The following TBC1D22B variants were observed in gnomAD, a reference collection of about 807,000 sequenced individuals.
TBC1D22B encodes the protein chromosome 6 open reading frame 197.
TBC1D22B carries 32 observed loss-of-function variants against 69.1 expected under a neutral mutation model. That is an observed-to-expected ratio of 0.46 (90% confidence interval 0.35 to 0.62). The LOEUF (loss-of-function observed/expected upper bound fraction) is 0.62, where lower values mean the gene tolerates loss of function less well. Ranked by LOEUF, TBC1D22B falls within the 20% of genes least tolerant of loss-of-function variation. The pLI, the probability that TBC1D22B is intolerant of heterozygous loss-of-function variation, is 0.00. For missense variants in TBC1D22B, 462 were observed against 630.9 expected (o/e 0.73, Z 2.87); for synonymous variants, 206 against 229.8 (o/e 0.90, Z 0.94).
intron 8 of TBC1D22B, among the ~76,000 whole-genome samples, chr6:37,294,470 C>G (rs1767292299): frequency 6.6e-6 from 1 of 152,146 alleles, no homozygotes; most frequent in Non-Finnish European, 1.5e-5. Flanking sequence ...GCCACTATGG[C>G]CAGCCTGCCA....
intron 2 of TBC1D22B, among the ~76,000 whole-genome samples, chr6:37,278,524 TG>T (rs1169459608): frequency 1.3e-5 from 2 of 151,090 alleles, no homozygotes; most frequent in Non-Finnish European, 2.9e-5. Context: ...AAAATGGGGG[TG>T]GGGTAAGGGC....
intron 2 of TBC1D22B, among the ~76,000 whole-genome samples, chr6:37,278,708 T>C (rs970203559): frequency 6.6e-6 from 1 of 152,076 alleles, no homozygotes; most frequent in African/African-American, 2.4e-5. Context: ...GGTGGGAGGA[T>C]CACTTGAACC....
chr6:37,308,944 T>TAAA (rs11311872), intron 8 of TBC1D22B, among the ~76,000 whole-genome samples: 1 of 141,150 alleles, frequency 7.1e-6, no homozygotes, highest in Non-Finnish European at 1.5e-5. Flanking sequence ...TCCTGTCTCT[T>TAAA]AAAAAAAAAA....
intron 1 of TBC1D22B, 74 bp from the exon 2 acceptor site, chr6:37,269,520 G>A (rs1486044714): frequency 4.2e-6 from 6 of 1,427,206 alleles, no homozygotes; most frequent in Non-Finnish European, 5.9e-6. Context: ...ATTTTGTGAT[G>A]CAGATGGCAC....
intron 7 of TBC1D22B, among the ~76,000 whole-genome samples, chr6:37,290,259 C>A (rs987023108): frequency 1.3e-5 from 2 of 152,120 alleles, no homozygotes; most frequent in African/African-American, 4.8e-5. Flanking sequence ...AATCTCCTAC[C>A]CTATCATCTG....
chr6:37,265,012 C>T (rs973367277), intron 1 of TBC1D22B, among the ~76,000 whole-genome samples: 2 of 152,200 alleles, frequency 1.3e-5, no homozygotes, highest in Non-Finnish European at 2.9e-5. Context: ...TCTCTGTGAT[C>T]ATCTCGGTTT....
intron 7 of TBC1D22B, among the ~76,000 whole-genome samples, chr6:37,289,385 A>G (rs1397715384): frequency 6.6e-6 from 1 of 152,236 alleles, no homozygotes; most frequent in East Asian, 1.9e-4. Context: ...GGATTATCCC[A>G]GACTTTTTCT....
intron 3 of TBC1D22B, among the ~76,000 whole-genome samples, chr6:37,280,717 C>T (rs1362931589): frequency 6.6e-6 from 1 of 152,208 alleles, no homozygotes; most frequent in East Asian, 1.9e-4. Flanking sequence ...TTTTCTCCTG[C>T]CGGCATCTGT....
intron 8 of TBC1D22B, among the ~76,000 whole-genome samples, chr6:37,300,786 T>A (rs1767542367): frequency 6.6e-6 from 1 of 152,252 alleles, no homozygotes; most frequent in African/African-American, 2.4e-5. Flanking sequence ...CAATTTTGTT[T>A]ATTTTTTATC....
At chr6:37,258,846 G>A (rs1765949705) in intron 1 of TBC1D22B, among the ~76,000 whole-genome samples, 1 of 152,052 alleles carries the variant, frequency 6.6e-6, no homozygotes, top group Admixed American at 6.5e-5. Flanking sequence ...TAAGATTTCT[G>A]CCAGCTACAG....
At chr6:37,298,593 C>T (rs375948517) in intron 8 of TBC1D22B, among the ~76,000 whole-genome samples, 5 of 132,750 alleles carry the variant, frequency 3.8e-5, no homozygotes, top group Non-Finnish European at 6.1e-5. Flanking sequence ...TTGCCCAAGC[C>T]GGAGTGCAGT....
chr6:37,322,299 AG>A (rs1182546362), intron 12 of TBC1D22B, among the ~76,000 whole-genome samples: 2 of 152,216 alleles, frequency 1.3e-5, no homozygotes, highest in African/African-American at 4.8e-5. Flanking sequence ...GCACTTTGGG[AG>A]GCCACGGCAG....
chr6:37,284,809 C>T (rs1173273595), intron 6 of TBC1D22B, among the ~76,000 whole-genome samples: 1 of 152,182 alleles, frequency 6.6e-6, no homozygotes, highest in African/African-American at 2.4e-5. Context: ...TGATGTGCTC[C>T]CTTGCAATGC....
Position 37,284,430 on chromosome 6 carries a change from G to A in TBC1D22B, c.767G>A (p.Arg256Gln), listed in dbSNP as rs543514698. Reference protein sequence around the residue: ...FGFIEQYYDSRNEEHHQDTYR... With the variant: ...FGFIEQYYDSQNEEHHQDTYR... Reference sequence around the variant, plus strand: ...TTCATTGAACAGTATTATGACTCTCGAAACGAGGAACATCACCAGGATACC... The same window carrying A: ...TTCATTGAACAGTATTATGACTCTCAAAACGAGGAACATCACCAGGATACC... Residue 256 changes from arginine (R) to glutamine (Q), a missense_variant, in exon 6 of 13, where the codon CGA (arginine) becomes CAA (glutamine). Arg to Gln is a conservative substitution (Grantham distance 43, BLOSUM62 1). Around this residue, in one of 2 missense-constraint regions of TBC1D22B, gnomAD observed 225 missense variants for 375.4 expected, o/e 0.60. Transcript: ENST00000373491. 23 of 1,603,488 alleles carry A rather than the reference G, an allele frequency of 1.4e-5. 1 individual carries two copies. Among genetic ancestry groups the A allele is most frequent in the Non-Finnish European group, 1.9e-5 (22 of 1,175,836 alleles).
chr6:37,314,028 C>T, intron 10 of TBC1D22B, 137 bp downstream of exon 10: 1 of 756,874 alleles, frequency 1.3e-6, no homozygotes, highest in Non-Finnish European at 2.3e-6. Context: ...GCTGGCAGCA[C>T]CGGGATCCTT....
chr6:37,326,158 G>A (rs1263506674), intron 12 of TBC1D22B, among the ~76,000 whole-genome samples: 1 of 151,984 alleles, frequency 6.6e-6, no homozygotes, highest in African/African-American at 2.4e-5. Flanking sequence ...GAGGCGGGCA[G>A]ATTACGAGGT....
At chr6:37,271,356 G>A (rs1224797388) in intron 2 of TBC1D22B, among the ~76,000 whole-genome samples, 3 of 152,104 alleles carry the variant, frequency 2.0e-5, no homozygotes, top group South Asian at 2.1e-4. Flanking sequence ...CGGTGGATAC[G>A]TGTCATTATG....
intron 1 of TBC1D22B, among the ~76,000 whole-genome samples, chr6:37,267,354 CACAT>C (rs1233562431): frequency 4.1e-5 from 5 of 121,872 alleles, no homozygotes; most frequent in Non-Finnish European, 6.3e-5. Context: ...TATATATACA[CACAT>C]ATATAATATA....
At chr6:37,326,461 T>C (rs1212099051) in intron 12 of TBC1D22B, among the ~76,000 whole-genome samples, 1 of 151,746 alleles carries the variant, frequency 6.6e-6, no homozygotes, top group Admixed American at 6.6e-5. Flanking sequence ...TGCAAGTGTA[T>C]GTAACCATCA....
Sources: gnomAD v4.1 joint callset for allele counts (sites outside exome capture counted in the v4.1 genomes callset) on GRCh38, gnomAD v4.1.1 for gene constraint, gnomAD v4.1.1 regional missense constraint, MANE v1.5 for transcripts, NCBI Gene and HGNC (gene_info 2026-07-23, HGNC 2026-07-21) for gene names.